The following HS2ST1 variants were observed in gnomAD, a reference collection of about 807,000 sequenced individuals.
The protein encoded by HS2ST1 is 2-O-sulfotransferase.
HS2ST1 carries 18 observed loss-of-function variants against 42.9 expected under a neutral mutation model. That is an observed-to-expected ratio of 0.42 (90% CI 0.29 to 0.62). The LOEUF is 0.62. HS2ST1 is among the 20% of genes least tolerant of loss of function. HS2ST1 has a pLI of 0.21. For missense variants in HS2ST1, 334 were observed against 433.8 expected (o/e 0.77, Z 2.04); for synonymous variants, 146 against 152.9 (o/e 0.95, Z 0.33).
At chr1:87,058,242 C>G (rs1314839800) in intron 1 of HS2ST1, among the ~76,000 whole-genome samples, 4 of 151,466 alleles carry the variant, frequency 2.6e-5, no homozygotes, top group African/African-American at 9.8e-5. Flanking sequence ...AGACTAATAA[C>G]TTACCACCCC....
intron 1 of HS2ST1, among the ~76,000 whole-genome samples, chr1:87,013,407 C>G (rs1475884644): frequency 1.3e-5 from 2 of 152,216 alleles, no homozygotes; most frequent in Non-Finnish European, 2.9e-5. Flanking sequence ...GTACCTTGGC[C>G]CCTTTTAGCC....
chr1:87,071,757 C>T (rs1386943551), intron 1 of HS2ST1, among the ~76,000 whole-genome samples: 1 of 150,220 alleles, frequency 6.7e-6, no homozygotes, highest in African/African-American at 2.5e-5. Context: ...GATGATTTGA[C>T]CTAGTCAGAG....
intron 1 of HS2ST1, among the ~76,000 whole-genome samples, chr1:87,050,592 C>T (rs937546581): frequency 6.6e-6 from 1 of 152,046 alleles, no homozygotes; most frequent in African/African-American, 2.4e-5. Flanking sequence ...TCCAGTGTTG[C>T]TTTCTAATAT....
intron 5 of HS2ST1, among the ~76,000 whole-genome samples, chr1:87,101,156 GTTTTTTTTTT>G (rs1162453464): frequency 9.9e-5 from 9 of 91,148 alleles, no homozygotes; most frequent in Non-Finnish European, 1.6e-4. Flanking sequence ...TGTGTTTTTT[GTTTTTTTTTT>G]TTTTTTTTTT....
intron 1 of HS2ST1, among the ~76,000 whole-genome samples, chr1:86,918,747 A>G (rs1384854418): frequency 2.6e-5 from 4 of 152,006 alleles, no homozygotes; most frequent in Non-Finnish European, 5.9e-5. Context: ...TAGCACTAGA[A>G]GATAATCAGC....
intron 1 of HS2ST1, among the ~76,000 whole-genome samples, chr1:86,931,016 G>C (rs925965743): frequency 6.6e-6 from 1 of 151,964 alleles, no homozygotes; most frequent in East Asian, 1.9e-4. Flanking sequence ...AATGTTCTTT[G>C]AAATGAGAAG....
At chr1:87,019,030 A>G (rs1428067780) in intron 1 of HS2ST1, among the ~76,000 whole-genome samples, 3 of 152,194 alleles carry the variant, frequency 2.0e-5, no homozygotes, top group African/African-American at 7.2e-5. Context: ...ATATTTCACT[A>G]TAATGTTAGT....
chr1:86,950,184 C>T (rs139160503), intron 1 of HS2ST1, among the ~76,000 whole-genome samples: 208 of 152,272 alleles, frequency 1.4e-3, no homozygotes, highest in African/African-American at 4.1e-3. Flanking sequence ...TGATATGGTG[C>T]GCTGAGAAGA....
chr1:87,052,945 G>A (rs1389913623), intron 1 of HS2ST1, among the ~76,000 whole-genome samples: 1 of 152,138 alleles, frequency 6.6e-6, no homozygotes, highest in Non-Finnish European at 1.5e-5. Flanking sequence ...TTAGTCCTTG[G>A]AATTAGTAGC....
At chr1:86,987,068 G>GGT (rs1648806596) in intron 1 of HS2ST1, among the ~76,000 whole-genome samples, 1 of 117,258 alleles carries the variant, frequency 8.5e-6, no homozygotes. Flanking sequence ...TGATAGCCAG[G>GGT]TTTTTTTTTT....
chr1:86,978,016 A>G lies in HS2ST1; in HGVS notation c.124+62856A>G, dbSNP rs540704126. On this transcript the variant is annotated intron_variant, in intron 1 of 6. Coordinates refer to ENST00000370550, the MANE Select transcript of HS2ST1 (RefSeq NM_012262.4). Reference sequence around the variant, plus strand: ...ATCTCCTAATGACATTATACCTGTCATAACTTGTATTGCAACACATGATCT... The same window carrying G: ...ATCTCCTAATGACATTATACCTGTCGTAACTTGTATTGCAACACATGATCT... Among the ~76,000 whole-genome samples, 5 of 152,340 alleles carry G rather than the reference A, an allele frequency of 3.3e-5. No individual in the cohort carries two copies. The East Asian group carries it at 9.6e-4, about 29-fold the overall frequency.
At chr1:87,083,887 A>AC (rs1337773551) in intron 2 of HS2ST1, among the ~76,000 whole-genome samples, 1 of 151,862 alleles carries the variant, frequency 6.6e-6, no homozygotes, top group Non-Finnish European at 1.5e-5. Context: ...AGATACATAC[A>AC]CCCCCACAAC....
intron 1 of HS2ST1, among the ~76,000 whole-genome samples, chr1:87,042,718 T>C (rs1037171673): frequency 9.9e-5 from 15 of 152,104 alleles, no homozygotes; most frequent in African/African-American, 3.6e-4. Context: ...GTTTCCAGAA[T>C]ATCAAGATGA....
At position 87,073,189 on chromosome 1, in the gene HS2ST1, G is replaced by A. The variant is rs181883630; in HGVS notation, c.363+17G>A. 1.5e-3 allele frequency: 2,291 copies of A among 1,508,228 alleles called. 28 individuals are homozygous for A. In the Admixed American group the frequency reaches 0.024, roughly 16 times the overall value. The allele number at this position is 1,508,228 out of a possible 1,614,324, so 93.4% of individuals were successfully genotyped here. On this transcript the variant is annotated intron_variant, in intron 2 of 6. Coordinates refer to ENST00000370550, the MANE Select transcript of HS2ST1 (RefSeq NM_012262.4). ...CAAGATCAGGTAATTACCACTTAAG[G>A]AATGCCCAAATATTTTCTAATACTT...
At chr1:86,956,993 C>T (rs1271904260) in intron 1 of HS2ST1, among the ~76,000 whole-genome samples, 1 of 152,012 alleles carries the variant, frequency 6.6e-6, no homozygotes, top group Non-Finnish European at 1.5e-5. Context: ...TTTGAAATTC[C>T]AGATGGTAAT....
rs1390250732 is a variant in HS2ST1 at position 86,990,832 on chromosome 1, ATATATTTTTT to A, written c.124+75674_124+75683del. Among the ~76,000 whole-genome samples the A allele has an allele frequency of 1.2e-3, 22 of 17,806 alleles. No individual in the cohort carries two copies. In the East Asian group the frequency reaches 0.094, roughly 76 times the overall value. The allele number at this position is 17,806 out of a possible 152,430, so 11.7% of individuals were successfully genotyped here. The stretch of plus-strand genomic sequence containing the variant: ...TAATTTTATATATATATATATATAT[ATATATTTTTT>A]TTTTTTTTTTTTTTTTTAGTAGAGA... On this transcript the variant is annotated intron_variant, in intron 1 of 6. Transcript: ENST00000370550.
At chr1:87,043,144 A>G (rs1002163501) in intron 1 of HS2ST1, among the ~76,000 whole-genome samples, 6 of 152,128 alleles carry the variant, frequency 3.9e-5, no homozygotes, top group African/African-American at 1.4e-4. Context: ...CTAATTCAAA[A>G]TATACTACAA....
intron 1 of HS2ST1, among the ~76,000 whole-genome samples, chr1:87,053,507 A>T (rs539214923): frequency 6.6e-6 from 1 of 152,280 alleles, no homozygotes; most frequent in Admixed American, 6.5e-5. Context: ...TGAATAATTT[A>T]CTTTCAACCT....
At chr1:86,974,285 T>C (rs1648322781) in intron 1 of HS2ST1, among the ~76,000 whole-genome samples, 1 of 152,020 alleles carries the variant, frequency 6.6e-6, no homozygotes. Flanking sequence ...TAATCGATTA[T>C]ACCTACATGA....
Sources: allele counts gnomAD v4.1 joint callset (sites outside exome capture counted in the v4.1 genomes callset), GRCh38; gene constraint gnomAD v4.1.1; transcripts MANE v1.5; gene names NCBI Gene and HGNC (gene_info 2026-07-23, HGNC 2026-07-21).